The following ZNF665 variants were observed in gnomAD, a reference collection of about 807,000 sequenced individuals.
ZNF665 encodes the protein zinc finger protein 665.
In ZNF665, 6 loss-of-function variants were observed where a neutral mutation model predicts 7.9. The ratio of observed to expected loss-of-function variants is 0.76; its 90% CI spans 0.42 to 1.50. The LOEUF (loss-of-function observed/expected upper bound fraction) is 1.50, where lower values mean the gene tolerates loss of function less well. ZNF665 is among the 40% of genes most tolerant of loss of function. ZNF665 has a pLI of 0.01. For synonymous variants in ZNF665, 242 were observed against 274.5 expected (o/e 0.88, Z 1.17); for missense variants, 819 against 806.7 (o/e 1.02, Z -0.18).
intron 1 of ZNF665, among the ~76,000 whole-genome samples, chr19:53,192,828 G>A (rs1010784373): frequency 6.6e-6 from 1 of 152,070 alleles, no homozygotes; most frequent in South Asian, 2.1e-4. Flanking sequence ...CGAAGGGGAG[G>A]CCTAGGGAGC....
At chr19:53,171,695 A>G (rs2090660447) in intron 3 of ZNF665, among the ~76,000 whole-genome samples, 2 of 147,728 alleles carry the variant, frequency 1.4e-5, no homozygotes, top group South Asian at 4.3e-4. Context: ...CGCCCAGCTG[A>G]TTTTTGTACT....
intron 3 of ZNF665, among the ~76,000 whole-genome samples, chr19:53,174,605 G>A (rs568524544): frequency 1.3e-5 from 2 of 152,156 alleles, no homozygotes; most frequent in East Asian, 1.9e-4. Flanking sequence ...GTTCCAACAA[G>A]GAGATAATAC....
intron 1 of ZNF665, chr19:53,190,419 C>A (rs940756527): frequency 1.3e-5 from 2 of 152,240 alleles, no homozygotes; most frequent in Non-Finnish European, 2.9e-5. Flanking sequence ...GTTTTTCCCA[C>A]AATGACCAGT....
intron 1 of ZNF665, among the ~76,000 whole-genome samples, chr19:53,183,146 G>A (rs2090751147): frequency 2.0e-5 from 3 of 152,112 alleles, no homozygotes; most frequent in Admixed American, 2.0e-4. Flanking sequence ...AAACAAGTGA[G>A]TTTCTGACCT....
intron 1 of ZNF665, among the ~76,000 whole-genome samples, chr19:53,189,028 A>G (rs1378009501): frequency 6.8e-6 from 1 of 147,028 alleles, no homozygotes; most frequent in Admixed American, 6.8e-5. Flanking sequence ...GAAAGAGTAG[A>G]TGAGAAAGAA....
rs1036329667 is a variant in ZNF665, at chr19:53,165,768, T to C, written c.722A>G (p.Lys241Arg). Reference sequence around the variant, plus strand: ...AAGGTTTGAAGGTTGACTGAAGACCTTTCCACATTCATTACATTTGTAAGG... The same window carrying C: ...AAGGTTTGAAGGTTGACTGAAGACCCTTCCACATTCATTACATTTGTAAGG... The part of the protein sequence containing the change: ...EKPYKCNECG[K>R]VFSQPSNLAG... The change falls in exon 4 of 4, where the codon AAG becomes AGG. Residue 241 changes from lysine to arginine, a missense_variant. By Grantham distance (26) the Lys-to-Arg change is conservative (BLOSUM62 2). Transcript: ENST00000396424. 6.2e-7 allele frequency: 1 copy of C among 1,614,182 alleles called. No individual in the cohort carries two copies. Among genetic ancestry groups the C allele is most frequent in the Non-Finnish European group, 8.5e-7 (1 of 1,180,028 alleles).
chr19:53,177,115 T>A (rs1161600836), intron 2 of ZNF665, among the ~76,000 whole-genome samples: 2 of 149,668 alleles, frequency 1.3e-5, no homozygotes, highest in African/African-American at 4.9e-5. Context: ...CGAGATTCTA[T>A]CTCAAACAAA....
Position 53,164,531 on chromosome 19 carries a change from AG to A in ZNF665, c.1958del (p.Pro653LeufsTer41), listed in dbSNP as rs1361762550. ...THMAVHTGDK[P>X]YKCNQCGKVF... ...CCTTGCCACATTGGTTACATTTGTA[AG>A]GTTTGTCTCCAGTATGGACTGCCAT... On this transcript the variant is annotated frameshift_variant, in exon 4 of 4. Coordinates refer to ENST00000396424, the MANE Select transcript of ZNF665 (RefSeq NM_024733.5). LOFTEE classifies it low-confidence loss of function (END_TRUNC). 6.2e-7 allele frequency: 1 copy of A among 1,613,106 alleles called. No individual in the cohort carries two copies. The highest frequency in any genetic ancestry group is 8.5e-7 in the Non-Finnish European group (1 of 1,179,660).
At chr19:53,175,667 T>A in intron 2 of ZNF665, 96 bp from the exon 3 acceptor site, 1 of 1,418,098 alleles carries the variant, frequency 7.1e-7, no homozygotes, top group Non-Finnish European at 9.6e-7. Flanking sequence ...ATAGGTTCAA[T>A]TCACGTAAGC....
At chr19:53,179,333 A>G (rs1217598821) in intron 2 of ZNF665, among the ~76,000 whole-genome samples, 21 of 133,998 alleles carry the variant, frequency 1.6e-4, no homozygotes, top group African/African-American at 4.7e-4. Context: ...CCGAGATCGC[A>G]CCACTGCACT....
rs561480747 is a variant in ZNF665 at position 53,180,644 on chromosome 19, T to C, written c.15+2240A>G. Reference sequence around the variant, plus strand: ...GATGTGTCTCAATGATGTATTTTTTTTTATGACATCTTTAGTTGTCTTTTT... The same window carrying C: ...GATGTGTCTCAATGATGTATTTTTTCTTATGACATCTTTAGTTGTCTTTTT... On this transcript the variant is annotated intron_variant, in intron 2 of 3. Transcript: ENST00000396424. The C allele has an allele frequency of 1.1e-4, 16 of 152,334 alleles. 1 individual carries two copies. The East Asian group carries it at 2.5e-3, about 24-fold the overall frequency. The allele number at this position is 152,334 out of a possible 1,614,324, so 9.4% of individuals were successfully genotyped here.
At chr19:53,177,879 T>C (rs531904489) in intron 2 of ZNF665, among the ~76,000 whole-genome samples, 1 of 152,354 alleles carries the variant, frequency 6.6e-6, no homozygotes, top group South Asian at 2.1e-4. Context: ...TGGGGACAAC[T>C]GTTTCACAGA....
At chr19:53,170,636 C>A (rs1214661371) in intron 3 of ZNF665, among the ~76,000 whole-genome samples, 4 of 152,214 alleles carry the variant, frequency 2.6e-5, no homozygotes, top group African/African-American at 9.6e-5. Context: ...AAAGGCTACA[C>A]AGTGTTCCAT....
At chr19:53,172,697 C>T (rs201829402) in intron 3 of ZNF665, among the ~76,000 whole-genome samples, 11 of 151,764 alleles carry the variant, frequency 7.2e-5, no homozygotes, top group East Asian at 1.9e-4. Flanking sequence ...TGGTGGTGCA[C>T]GCCTGTAGTC....
intron 3 of ZNF665, among the ~76,000 whole-genome samples, chr19:53,168,873 G>T (rs1234161526): frequency 6.6e-6 from 1 of 152,052 alleles, no homozygotes; most frequent in East Asian, 1.9e-4. Flanking sequence ...AAATGGTGCT[G>T]AAACAATTAG....
At position 53,165,239 on chromosome 19, in the gene ZNF665, T is replaced by A. The variant is rs760629477; in HGVS notation, c.1251A>T (p.Leu417Phe). The A allele has an allele frequency of 3.7e-6, 6 of 1,613,508 alleles. No individual in the cohort carries two copies. Among genetic ancestry groups the A allele is most frequent in the Non-Finnish European group, 1.7e-6 (2 of 1,179,854 alleles). Residue 417 changes from leucine (L) to phenylalanine (F), a missense_variant, in exon 4 of 4, where the codon TTA becomes TTT. Leu to Phe is a conservative substitution (Grantham distance 22). Transcript: ENST00000396424. Reference protein sequence around the residue: ...CVKVFTQYSHLANHRRIHTGE... With the variant: ...CVKVFTQYSHFANHRRIHTGE... ...CAGTATGAATTCTTCGATGATTTGC[T>A]AAGTGTGAATACTGAGTGAAAACCT...
rs553874991 is a variant in ZNF665 at position 53,165,646 on chromosome 19, C to T, written c.844G>A (p.Val282Ile). The T allele has an allele frequency of 5.2e-5, 84 of 1,612,994 alleles. 2 individuals are homozygous for T. The South Asian group carries it at 8.7e-4, about 17-fold the overall frequency. ...TAAGGTTTTTCTCCAGTATGGATGA[C>T]CTGATGTGTAGTTAGTTTTGAATGT... ...RAHSKLTTHQ[V>I]IHTGEKPYKC... Residue 282 changes from valine (V) to isoleucine (I), a missense_variant, in exon 4 of 4, where the codon GTC becomes ATC. Coordinates refer to ENST00000396424, the MANE Select transcript of ZNF665 (RefSeq NM_024733.5).
chr19:53,167,158 G>T (rs1029084620), intron 3 of ZNF665, among the ~76,000 whole-genome samples: 2 of 151,124 alleles, frequency 1.3e-5, no homozygotes, highest in African/African-American at 4.9e-5. Context: ...TGCACCACCA[G>T]GCCAGACTAA....
chr19:53,185,282 G>A (rs1250557957), intron 1 of ZNF665, among the ~76,000 whole-genome samples: 6 of 151,882 alleles, frequency 4.0e-5, no homozygotes, highest in Non-Finnish European at 5.9e-5. Context: ...GGCAACGGAC[G>A]TCTTCCCAGA....
Sources: allele counts gnomAD v4.1 joint callset (sites outside exome capture counted in the v4.1 genomes callset), GRCh38; gene constraint gnomAD v4.1.1; transcripts MANE v1.5; gene names NCBI Gene and HGNC (gene_info 2026-07-23, HGNC 2026-07-21).